SPTBN1: variants seen among roughly 807,000 people sequenced by gnomAD.
SPTBN1 encodes spectrin beta chain, non-erythrocytic 1.
SPTBN1 carries 32 observed loss-of-function variants against 266.4 expected under a neutral mutation model. The ratio of observed to expected loss-of-function variants is 0.12; its 90% CI spans 0.09 to 0.16. The LOEUF (loss-of-function observed/expected upper bound fraction) is 0.16, where lower values mean the gene tolerates loss of function less well. SPTBN1 is among the 10% of genes least tolerant of loss of function. The pLI is 1.00. For synonymous variants in SPTBN1, 1,336 were observed against 1,162.2 expected (o/e 1.15, Z -3.04); for missense variants, 2,296 against 3,067.1 (o/e 0.75, Z 5.94).
chr2:54,511,715 T>G (rs1669865258), intron 1 of SPTBN1, among the ~76,000 whole-genome samples: 1 of 151,698 alleles, frequency 6.6e-6, no homozygotes, highest in African/African-American at 2.4e-5. Context: ...AATACAAAAA[T>G]TAGCCAGGTG....
At chr2:54,587,440 G>A (rs1675366685) in intron 2 of SPTBN1, among the ~76,000 whole-genome samples, 1 of 152,140 alleles carries the variant, frequency 6.6e-6, no homozygotes, top group Non-Finnish European at 1.5e-5. Context: ...TCGTGTTAAC[G>A]TTCTGCCATT....
At chr2:54,655,239 C>G in intron 28 of SPTBN1, 31 bp downstream of exon 28, 2 of 1,606,732 alleles carry the variant, frequency 1.2e-6, no homozygotes, top group Non-Finnish European at 1.7e-6. Flanking sequence ...GGAGCTGCAG[C>G]TGGCGTCAAG....
intron 3 of SPTBN1, among the ~76,000 whole-genome samples, chr2:54,609,252 C>G (rs1677060135): frequency 6.6e-6 from 1 of 152,196 alleles, no homozygotes. Flanking sequence ...AAGTCGTCTT[C>G]CGTTAATTCT....
At chr2:54,505,796 C>T (rs1186047707) in intron 1 of SPTBN1, among the ~76,000 whole-genome samples, 1 of 152,108 alleles carries the variant, frequency 6.6e-6, no homozygotes, top group African/African-American at 2.4e-5. Flanking sequence ...GAATTGCTGT[C>T]AGTTTTTCTC....
chr2:54,508,707 A>G (rs536092011), intron 1 of SPTBN1, among the ~76,000 whole-genome samples: 1 of 152,252 alleles, frequency 6.6e-6, no homozygotes, highest in Non-Finnish European at 1.5e-5. Context: ...CCAGATGAGA[A>G]GGAGGAAAAC....
intron 2 of SPTBN1, among the ~76,000 whole-genome samples, chr2:54,553,633 A>G (rs1247193104): frequency 6.6e-6 from 1 of 152,230 alleles, no homozygotes; most frequent in Non-Finnish European, 1.5e-5. Flanking sequence ...TTGACAAAAC[A>G]CAATCCTATA....
intron 1 of SPTBN1, among the ~76,000 whole-genome samples, chr2:54,520,895 A>C (rs1158984089): frequency 6.6e-6 from 1 of 151,910 alleles, no homozygotes; most frequent in Non-Finnish European, 1.5e-5. Context: ...TCAAGGGGAG[A>C]TTCCCTTTCC....
intron 1 of SPTBN1, among the ~76,000 whole-genome samples, chr2:54,495,853 ATAAT>A (rs1212944633): frequency 1.3e-5 from 2 of 152,206 alleles, no homozygotes; most frequent in African/African-American, 4.8e-5. Context: ...TGGGAAAACC[ATAAT>A]TACTTTATTA....
chr2:54,606,640 AC>A (rs144038191), intron 3 of SPTBN1, among the ~76,000 whole-genome samples: 5,925 of 152,320 alleles, frequency 0.039, 149 homozygotes, highest in Admixed American at 0.088. Flanking sequence ...GTGAATAGTC[AC>A]GTTTCAGCAT....
intron 18 of SPTBN1, among the ~76,000 whole-genome samples, chr2:54,642,537 T>TTG (rs1679646983): frequency 6.9e-6 from 1 of 144,422 alleles, no homozygotes; most frequent in Admixed American, 6.8e-5. Context: ...TAGTTTTTTT[T>TTG]TTTTTTTTTT....
At chr2:54,635,421 C>T (rs546977183) in intron 17 of SPTBN1, among the ~76,000 whole-genome samples, 2 of 152,226 alleles carry the variant, frequency 1.3e-5, no homozygotes, top group African/African-American at 4.8e-5. Context: ...GCGCATAGAT[C>T]GGTGTCATTT....
rs139779146 is a variant in SPTBN1, at chr2:54,582,872, C to G, written c.149-16220C>G. ...ACTGTGGGCAAATAACTGAATTTTTCTAGGCTTGAATTTGCTCTTATACAA... is the reference window on the plus strand; with the variant it reads ...ACTGTGGGCAAATAACTGAATTTTTGTAGGCTTGAATTTGCTCTTATACAA... On this transcript the variant is annotated intron_variant, in intron 2 of 35. Transcript: ENST00000356805. 9.5e-4 allele frequency among the ~76,000 whole-genome samples: 145 copies of G among 152,252 alleles called. 1 individual carries two copies. Among genetic ancestry groups the G allele is most frequent in the African/African-American group, 3.4e-3 (143 of 41,544 alleles).
chr2:54,568,688 C>A (rs1468314026), intron 2 of SPTBN1, among the ~76,000 whole-genome samples: 3 of 152,126 alleles, frequency 2.0e-5, no homozygotes, highest in African/African-American at 7.2e-5. Flanking sequence ...AAAACAGTTT[C>A]TTTTCATATT....
intron 2 of SPTBN1, among the ~76,000 whole-genome samples, chr2:54,567,687 A>C (rs1673757799): frequency 6.6e-6 from 1 of 152,160 alleles, no homozygotes; most frequent in African/African-American, 2.4e-5. Flanking sequence ...CATGATACCC[A>C]CCAGGCAGCC....
chr2:54,495,921 T>G (rs1668945735), intron 1 of SPTBN1, among the ~76,000 whole-genome samples: 1 of 152,154 alleles, frequency 6.6e-6, no homozygotes, highest in Non-Finnish European at 1.5e-5. Flanking sequence ...AGGTGCAGTT[T>G]CTTAATTCAT....
rs756451835 is a variant in SPTBN1 at position 54,646,123 on chromosome 2, T to C, written c.4585-71T>C. ...AAGCCTTGCTATTTCTTTCTGGCCC[T>C]AACAGCTTGACATAAGCAGCAGACG... On this transcript the variant is annotated intron_variant, in intron 22 of 35. Coordinates refer to ENST00000356805, the MANE Select transcript of SPTBN1 (RefSeq NM_003128.3). The surrounding 1 kb of genome is among the most constrained non-coding windows in gnomAD (Gnocchi z 4.4). 2.5e-5 allele frequency: 40 copies of C among 1,600,544 alleles called. No individual in the cohort carries two copies. The highest frequency in any genetic ancestry group is 3.2e-5 in the Non-Finnish European group (37 of 1,172,156).
rs73937508 is a variant in SPTBN1, at chr2:54,641,829, A to C, written c.3859-1154A>C. Among the ~76,000 whole-genome samples, 1,396 of 152,288 alleles carry C rather than the reference A, an allele frequency of 9.2e-3. 28 individuals are homozygous for C. The highest frequency in any genetic ancestry group is 0.032 in the African/African-American group (1,320 of 41,544). ...CAAATCTCGGGGAGCCTTTCCTGGCAGCAGCCCACAGTGGGAGTGGAAGGG... is the reference window on the plus strand; with the variant it reads ...CAAATCTCGGGGAGCCTTTCCTGGCCGCAGCCCACAGTGGGAGTGGAAGGG... On this transcript the variant is annotated intron_variant, in intron 18 of 35. Transcript: ENST00000356805.
At chr2:54,588,039 G>A (rs1173859757) in intron 2 of SPTBN1, among the ~76,000 whole-genome samples, 2 of 152,172 alleles carry the variant, frequency 1.3e-5, no homozygotes. Context: ...TTGAAGTGGA[G>A]TCTAACAAAT....
intron 2 of SPTBN1, among the ~76,000 whole-genome samples, chr2:54,581,600 T>G (rs1674915595): frequency 1.4e-5 from 2 of 143,012 alleles, no homozygotes; most frequent in African/African-American, 5.4e-5. Context: ...TTTTTTTTTT[T>G]GAAACTTTTA....
Sources: allele counts gnomAD v4.1 joint callset (sites outside exome capture counted in the v4.1 genomes callset), GRCh38; gene constraint gnomAD v4.1.1; non-coding constraint Gnocchi (gnomAD v3.1); transcripts MANE v1.5; gene names NCBI Gene and HGNC (gene_info 2026-07-23, HGNC 2026-07-21).